The following CSMD3 variants were observed in gnomAD, a reference collection of about 807,000 sequenced individuals.
The protein encoded by CSMD3 is CUB and Sushi multiple domains 3.
In CSMD3, 177 loss-of-function variants were observed where a neutral mutation model predicts 435.2. The observed-to-expected ratio is 0.41, with a 90% confidence interval of 0.36 to 0.46. The LOEUF (loss-of-function observed/expected upper bound fraction) is 0.46. Ranked by LOEUF, CSMD3 falls within the 20% of genes least tolerant of loss-of-function variation. CSMD3 has a pLI of 0.34. For missense variants in CSMD3, 4,265 were observed against 4,504.6 expected (o/e 0.95, Z 1.52); for synonymous variants, 1,656 against 1,520.5 (o/e 1.09, Z -2.07).
At chr8:112,856,190 G>C (rs1458394164) in intron 11 of CSMD3, among the ~76,000 whole-genome samples, 2 of 151,706 alleles carry the variant, frequency 1.3e-5, no homozygotes, top group Non-Finnish European at 3.0e-5. Flanking sequence ...CATAATTAAA[G>C]GAAACATTCC....
chr8:112,442,899 G>C (rs763831227), intron 32 of CSMD3, among the ~76,000 whole-genome samples: 4 of 152,196 alleles, frequency 2.6e-5, no homozygotes, highest in Non-Finnish European at 5.9e-5. Flanking sequence ...GGATGTCAGA[G>C]CAGAATAATC....
chr8:112,777,308 G>A (rs1365249299), intron 13 of CSMD3, among the ~76,000 whole-genome samples: 1 of 151,524 alleles, frequency 6.6e-6, no homozygotes, highest in Admixed American at 6.6e-5. Context: ...AATAAATATT[G>A]GTTGTATTTT....
At chr8:112,907,202 A>G (rs1300929358) in intron 10 of CSMD3, among the ~76,000 whole-genome samples, 1 of 151,502 alleles carries the variant, frequency 6.6e-6, no homozygotes, top group Non-Finnish European at 1.5e-5. Flanking sequence ...AATAGTCCCT[A>G]TCTAAGAAGG....
intron 9 of CSMD3, among the ~76,000 whole-genome samples, chr8:112,946,411 T>G (rs1282198847): frequency 1.3e-5 from 2 of 151,674 alleles, no homozygotes; most frequent in Non-Finnish European, 3.0e-5. Context: ...AAGTGCAATA[T>G]ATTATAATAT....
chr8:112,453,939 A>G (rs1373053277), intron 32 of CSMD3, among the ~76,000 whole-genome samples: 1 of 152,180 alleles, frequency 6.6e-6, no homozygotes, highest in Non-Finnish European at 1.5e-5. Flanking sequence ...AGCAGAATAG[A>G]AAACCCAGAA....
intron 3 of CSMD3, among the ~76,000 whole-genome samples, chr8:113,262,213 C>T (rs1027197456): frequency 2.0e-5 from 3 of 151,892 alleles, no homozygotes; most frequent in African/African-American, 7.2e-5. Context: ...TACAAAGATA[C>T]ACTATTTTTG....
intron 10 of CSMD3, among the ~76,000 whole-genome samples, chr8:112,889,864 G>A (rs1193889716): frequency 1.3e-5 from 2 of 151,518 alleles, no homozygotes; most frequent in Admixed American, 6.6e-5. Context: ...TTTAAAGACA[G>A]GTTGTCAGGA....
chr8:112,268,365 AAGTAAAT>A (rs1817153016), intron 59 of CSMD3, among the ~76,000 whole-genome samples: 1 of 152,214 alleles, frequency 6.6e-6, no homozygotes, highest in Non-Finnish European at 1.5e-5. Flanking sequence ...TGATAAATCT[AAGTAAAT>A]AACCTCTATG....
intron 3 of CSMD3, among the ~76,000 whole-genome samples, chr8:113,242,868 A>C (rs2093234566): frequency 6.6e-6 from 1 of 151,934 alleles, no homozygotes; most frequent in Admixed American, 6.6e-5. Flanking sequence ...AATATTTACT[A>C]ACTTACTAGC....
At position 113,173,723 on chromosome 8, in the gene CSMD3, T is replaced by G. The variant is rs1326992569; in HGVS notation, c.708A>C (p.Arg236Ser). 1.2e-6 allele frequency: 2 copies of G among 1,607,548 alleles called. No homozygotes were observed. Among genetic ancestry groups the G allele is most frequent in the African/African-American group, 1.3e-5 (1 of 74,856 alleles). ...ATTTTTAAAGTGTTTTCATTTTACC[T>G]CTACAGATAGGAACAGGAAAATCCC... ...ASWDFPVPIC[R>S]AEDACGGTMR... The change falls in exon 4 of 71, where the codon AGA becomes AGC. Residue 236 changes from arginine to serine, a missense_variant and splice_region_variant. Around this residue, in one of 3 missense-constraint regions of CSMD3, gnomAD observed 731 missense variants for 755.4 expected, o/e 0.97. Transcript: ENST00000297405.
intron 1 of CSMD3, among the ~76,000 whole-genome samples, chr8:113,392,335 G>C (rs948208971): frequency 3.3e-5 from 5 of 152,100 alleles, no homozygotes; most frequent in African/African-American, 4.8e-5. Flanking sequence ...CACAGGACAA[G>C]AAGAAGGAAT....
intron 32 of CSMD3, among the ~76,000 whole-genome samples, chr8:112,444,948 A>C (rs2130539059): frequency 6.6e-6 from 1 of 152,300 alleles, no homozygotes; most frequent in South Asian, 2.1e-4. Context: ...AATGTTCAAC[A>C]AAAGACATAG....
rs143602091 is a variant in CSMD3 at position 112,638,818 on chromosome 8, C to A, written c.3404G>T (p.Arg1135Leu). The change falls in exon 21 of 71, where the codon CGC (arginine) becomes CTC (leucine). Residue 1135 changes from arginine (R) to leucine (L), a missense_variant. Arg to Leu is a moderately radical substitution (Grantham distance 102). Coordinates refer to ENST00000297405, the MANE Select transcript of CSMD3 (RefSeq NM_198123.2). ...ENGSFTQPLA[R>L]LTGSDLPPTI... Reference sequence around the variant, plus strand: ...TGGAGGAAGATCTGAACCAGTCAGGCGTGCCAGTGGTTGGGTAAAACTGCC... The same window carrying A: ...TGGAGGAAGATCTGAACCAGTCAGGAGTGCCAGTGGTTGGGTAAAACTGCC... The A allele has an allele frequency of 1.9e-6, 3 of 1,612,170 alleles. No homozygotes were observed. Among genetic ancestry groups the A allele is most frequent in the Non-Finnish European group, 2.5e-6 (3 of 1,178,550 alleles).
At chr8:113,083,900 G>A (rs1173477321) in intron 5 of CSMD3, among the ~76,000 whole-genome samples, 1 of 152,062 alleles carries the variant, frequency 6.6e-6, no homozygotes, top group Non-Finnish European at 1.5e-5. Flanking sequence ...CTTGAGGCAA[G>A]AAGTTGAGGT....
intron 45 of CSMD3, among the ~76,000 whole-genome samples, chr8:112,330,697 T>C (rs1823959441): frequency 2.6e-5 from 4 of 152,048 alleles, no homozygotes; most frequent in Non-Finnish European, 5.9e-5. Context: ...CAAGTTATAA[T>C]TAGGAGGCGT....
intron 6 of CSMD3, among the ~76,000 whole-genome samples, chr8:112,997,753 C>A (rs1339843233): frequency 1.3e-5 from 2 of 151,002 alleles, no homozygotes; most frequent in Non-Finnish European, 3.0e-5. Context: ...AGGTAAACTA[C>A]CAATAAAGGA....
chr8:112,696,180 C>G (rs1277272529), intron 13 of CSMD3, among the ~76,000 whole-genome samples: 1 of 152,168 alleles, frequency 6.6e-6, no homozygotes, highest in African/African-American at 2.4e-5. Context: ...ATGCCATCCT[C>G]ATCAAGCTAC....
rs1387072704 is a variant in CSMD3, at chr8:112,287,059, A to G, written c.9331+5T>C. The G allele has an allele frequency of 6.2e-7, 1 of 1,611,888 alleles. No individual in the cohort carries two copies. The highest frequency in any genetic ancestry group is 2.2e-5 in the East Asian group (1 of 44,822). On this transcript the variant is annotated splice_donor_5th_base_variant and intron_variant, in intron 58 of 70. Transcript: ENST00000297405. The stretch of plus-strand genomic sequence containing the variant: ...GCAATATATTTAATTTCTGCTTGAG[A>G]TTACCTTTGCACTCTGGCTGCCTTC...
chr8:113,362,753 G>A (rs2094285768), intron 1 of CSMD3, among the ~76,000 whole-genome samples: 1 of 152,150 alleles, frequency 6.6e-6, no homozygotes, highest in African/African-American at 2.4e-5. Context: ...GTTTGAAGGA[G>A]AAAAGCAGTA....
Sources: gnomAD v4.1 joint callset for allele counts (sites outside exome capture counted in the v4.1 genomes callset) on GRCh38, gnomAD v4.1.1 for gene constraint, gnomAD v4.1.1 regional missense constraint, MANE v1.5 for transcripts, NCBI Gene and HGNC (gene_info 2026-07-23, HGNC 2026-07-21) for gene names.